YTHDF3: variants seen among roughly 807,000 people sequenced by gnomAD.
YTHDF3 encodes YTH domain-containing family protein 3.
In YTHDF3, 9 loss-of-function variants were observed where a neutral mutation model predicts 52.5. The observed-to-expected ratio is 0.17, with a 90% CI of 0.10 to 0.30. The LOEUF (loss-of-function observed/expected upper bound fraction) is 0.30. Ranked by LOEUF, YTHDF3 falls within the 10% of genes least tolerant of loss-of-function variation. YTHDF3 has a pLI of 1.00. For missense variants in YTHDF3, 534 were observed against 715.0 expected (o/e 0.75, Z 2.89); for synonymous variants, 274 against 243.3 (o/e 1.13, Z -1.18).
chr8:63,176,424 C>T (rs11998335), intron 3 of YTHDF3, among the ~76,000 whole-genome samples: 67 of 152,068 alleles, frequency 4.4e-4, no homozygotes, highest in African/African-American at 1.6e-3. Context: ...GGACTACAGG[C>T]GCCCGCCACC....
At chr8:63,199,437 T>G (rs1263100536) in intron 4 of YTHDF3, among the ~76,000 whole-genome samples, 1 of 152,224 alleles carries the variant, frequency 6.6e-6, no homozygotes, top group Non-Finnish European at 1.5e-5. Flanking sequence ...TCGTTGTAAG[T>G]GGACTCCTGC....
At chr8:63,196,059 C>A (rs1321167044) in intron 4 of YTHDF3, among the ~76,000 whole-genome samples, 2 of 151,974 alleles carry the variant, frequency 1.3e-5, no homozygotes, top group Non-Finnish European at 2.9e-5. Context: ...TCTCAAAGTT[C>A]TGGGATTACA....
At chr8:63,195,794 G>T (rs561809271) in intron 4 of YTHDF3, among the ~76,000 whole-genome samples, 17 of 150,488 alleles carry the variant, frequency 1.1e-4, no homozygotes, top group Non-Finnish European at 1.8e-4. Context: ...CTGTATTTAC[G>T]TGTGTGTGTG....
intron 2 of YTHDF3, chr8:63,173,584 A>G (rs1807489541): frequency 4.9e-6 from 4 of 824,396 alleles, no homozygotes; most frequent in Middle Eastern, 6.1e-4. Flanking sequence ...ACTAACATGT[A>G]TGAGTGTAAT....
chr8:63,179,700 C>A (rs1024071582), intron 3 of YTHDF3, among the ~76,000 whole-genome samples: 1 of 152,236 alleles, frequency 6.6e-6, no homozygotes, highest in African/African-American at 2.4e-5. Flanking sequence ...AAACCGCCAT[C>A]GCCATCATGG....
At chr8:63,203,950 A>G (rs1809813805) in intron 4 of YTHDF3, among the ~76,000 whole-genome samples, 1 of 152,188 alleles carries the variant, frequency 6.6e-6, no homozygotes, top group Non-Finnish European at 1.5e-5. Flanking sequence ...TCGATTGCTT[A>G]AAGTGGTGTC....
intron 3 of YTHDF3, among the ~76,000 whole-genome samples, chr8:63,183,844 C>T (rs1052118610): frequency 6.6e-6 from 1 of 152,120 alleles, no homozygotes; most frequent in South Asian, 2.1e-4. Flanking sequence ...GAGATTGATT[C>T]CAGAACCCCC....
At chr8:63,169,045 G>T (rs1335540337) in intron 1 of YTHDF3, 144 bp downstream of exon 1, 37 of 1,428,874 alleles carry the variant, frequency 2.6e-5, no homozygotes, top group Non-Finnish European at 3.1e-5. Flanking sequence ...GTAGCTACCC[G>T]GGCCGGGGCG....
chr8:63,176,244 C>G (rs1807683734), intron 3 of YTHDF3, among the ~76,000 whole-genome samples: 1 of 152,160 alleles, frequency 6.6e-6, no homozygotes, highest in Admixed American at 6.5e-5. Flanking sequence ...AAAAAATGCT[C>G]AAGAACTTTG....
intron 4 of YTHDF3, among the ~76,000 whole-genome samples, chr8:63,206,572 C>G (rs1456495592): frequency 6.6e-6 from 1 of 152,132 alleles, no homozygotes; most frequent in Non-Finnish European, 1.5e-5. Context: ...AGTAACTCTA[C>G]TAAAGTTACT....
At chr8:63,209,651 C>G in intron 4 of YTHDF3, 32 bp from the exon 5 acceptor site, 1 of 1,524,122 alleles carries the variant, frequency 6.6e-7, no homozygotes, top group Non-Finnish European at 8.8e-7. Context: ...CATTGTAATT[C>G]TTTTTGTGTG....
chr8:63,188,714 T>A (rs1585763574), intron 4 of YTHDF3: 1 of 128,712 alleles, frequency 7.8e-6, no homozygotes, highest in African/African-American at 3.0e-5. Context: ...TTTTTTTTTT[T>A]TTTTTTTTTT....
At chr8:63,182,955 CT>C (rs11381385) in intron 3 of YTHDF3, among the ~76,000 whole-genome samples, 28 of 143,596 alleles carry the variant, frequency 1.9e-4, no homozygotes, top group South Asian at 4.4e-4. Context: ...ACAGTTTTAT[CT>C]TTTTTTTTTT....
chr8:63,176,268 G>C lies in YTHDF3; in HGVS notation c.135+852G>C, dbSNP rs1361087551. ...TCAAGAACTTTGGGTCTTAAAATTA[G>C]TTCTGTAGTTCTTATTTATTTATTT... On this transcript the variant is annotated intron_variant, in intron 3 of 4. Coordinates refer to ENST00000539294, the MANE Select transcript of YTHDF3 (RefSeq NM_152758.6). Among the ~76,000 whole-genome samples the C allele has an allele frequency of 2.0e-5, 3 of 152,138 alleles. No homozygotes were observed. The East Asian group carries it at 5.8e-4, about 29-fold the overall frequency.
chr8:63,187,119 G>T lies in YTHDF3; in HGVS notation c.1108G>T (p.Ala370Ser). The change falls in exon 4 of 5, where the codon GCG (alanine) becomes TCG (serine). Residue 370 changes from alanine (A) to serine (S), a missense_variant. Ala to Ser is a moderately conservative substitution (Grantham distance 99). Around this residue, in one of 3 missense-constraint regions of YTHDF3, gnomAD observed 203 missense variants for 201.3 expected, o/e 1.01. Coordinates refer to ENST00000539294, the MANE Select transcript of YTHDF3 (RefSeq NM_152758.6). The part of the protein sequence containing the change: ...RGAGFNQNNG[A>S]GSENFGLGVV... ...AGCAGGCTTCAACCAGAACAATGGA[G>T]CGGGCAGTGAAAACTTTGGTTTAGG... 6.2e-7 allele frequency: 1 copy of T among 1,613,926 alleles called. No homozygotes were observed. Among genetic ancestry groups the T allele is most frequent in the Non-Finnish European group, 8.5e-7 (1 of 1,179,856 alleles).
chr8:63,186,161 A>T lies in YTHDF3; in HGVS notation c.150A>T (p.Pro50=). 2 of 1,610,210 alleles carry T rather than the reference A, an allele frequency of 1.2e-6. No homozygotes were observed. Among genetic ancestry groups the T allele is most frequent in the Non-Finnish European group, 1.7e-6 (2 of 1,176,864 alleles). ...SSQTNQSNSY[P]PMSDPYMPSY... is the part of the protein sequence containing the mutation. The stretch of plus-strand genomic sequence containing the variant: ...TTGTTTTGCAGAGTAACAGCTATCC[A>T]CCAATGTCAGATCCATACATGCCTA... The change falls in exon 4 of 5, where the codon CCA becomes CCT. Residue 50 remains proline (P), a synonymous_variant. Coordinates refer to ENST00000539294, the MANE Select transcript of YTHDF3 (RefSeq NM_152758.6).
Position 63,209,665 on chromosome 8 carries a change from GTGTT to G in YTHDF3, c.1735-16_1735-13del, listed in dbSNP as rs746997862. The G allele has an allele frequency of 5.9e-6, 9 of 1,536,840 alleles. No individual in the cohort carries two copies. In the East Asian group the frequency reaches 1.6e-4, roughly 27 times the overall value. On this transcript the variant is annotated splice_polypyrimidine_tract_variant and intron_variant, in intron 4 of 4. Transcript: ENST00000539294. ...TCATTGTAATTCTTTTTGTGTGTGT[GTGTT>G]TTTTTTTTTTCAGGAGAGAAATAGA...
chr8:63,208,427 G>T (rs1810176517), intron 4 of YTHDF3, among the ~76,000 whole-genome samples: 2 of 152,272 alleles, frequency 1.3e-5, no homozygotes, highest in South Asian at 4.1e-4. Flanking sequence ...AATGAGAGTA[G>T]CAAAAGCAAA....
At chr8:63,184,100 A>G (rs1369717422) in intron 3 of YTHDF3, among the ~76,000 whole-genome samples, 2 of 152,228 alleles carry the variant, frequency 1.3e-5, no homozygotes, top group East Asian at 1.9e-4. Context: ...GCTATTTTCA[A>G]TCTGTGAATG....
Sources: allele counts gnomAD v4.1 joint callset (sites outside exome capture counted in the v4.1 genomes callset), GRCh38; gene constraint gnomAD v4.1.1; regional missense constraint gnomAD v4.1.1; transcripts MANE v1.5; gene names NCBI Gene and HGNC (gene_info 2026-07-23, HGNC 2026-07-21).